TCEANC2: variants seen among roughly 807,000 people sequenced by gnomAD.
TCEANC2 encodes the protein transcription elongation factor A N-terminal and central domain-containing protein 2.
TCEANC2 carries 20 observed loss-of-function variants against 22.8 expected under a neutral mutation model. That is an observed-to-expected ratio of 0.88 (90% CI 0.62 to 1.28). The LOEUF is 1.28. Ranked by LOEUF, TCEANC2 falls within the 50% of genes most tolerant of loss-of-function variation. The pLI is 0.00. For missense variants in TCEANC2, 251 were observed against 249.7 expected (o/e 1.01, Z -0.03); for synonymous variants, 84 against 95.5 (o/e 0.88, Z 0.70).
intron 2 of TCEANC2, among the ~76,000 whole-genome samples, chr1:54,062,719 A>G (rs1415142498): frequency 3.3e-5 from 5 of 152,248 alleles, no homozygotes; most frequent in Non-Finnish European, 5.9e-5. Context: ...AGAGAGTCTT[A>G]AAAAATGAAT....
intron 2 of TCEANC2, among the ~76,000 whole-genome samples, chr1:54,068,136 G>C (rs1202787112): frequency 1.3e-5 from 2 of 152,166 alleles, no homozygotes; most frequent in African/African-American, 4.8e-5. Context: ...GTTTCTTCTA[G>C]GAAGGGAAAG....
At chr1:54,083,539 G>GCTA (rs1658284617) in intron 3 of TCEANC2, among the ~76,000 whole-genome samples, 2 of 152,170 alleles carry the variant, frequency 1.3e-5, no homozygotes, top group Non-Finnish European at 2.9e-5. Flanking sequence ...AAGGACTGCT[G>GCTA]GATTCGACCA....
intron 3 of TCEANC2, among the ~76,000 whole-genome samples, chr1:54,078,450 T>G (rs1658183500): frequency 6.6e-6 from 1 of 152,180 alleles, no homozygotes; most frequent in Non-Finnish European, 1.5e-5. Context: ...CCCTTTATTT[T>G]ATTGGACTGT....
chr1:54,066,122 T>C (rs1458274556), intron 2 of TCEANC2, among the ~76,000 whole-genome samples: 1 of 151,466 alleles, frequency 6.6e-6, no homozygotes, highest in Non-Finnish European at 1.5e-5. Flanking sequence ...CGTGGTGGCA[T>C]GCGCCTGTAC....
intron 3 of TCEANC2, among the ~76,000 whole-genome samples, chr1:54,075,303 C>G (rs766333486): frequency 6.6e-6 from 1 of 152,046 alleles, no homozygotes; most frequent in East Asian, 1.9e-4. Flanking sequence ...ACAGGGGAGA[C>G]GGTGAATACT....
chr1:54,084,770 TA>T (rs59615261), intron 3 of TCEANC2, among the ~76,000 whole-genome samples: 165 of 144,062 alleles, frequency 1.1e-3, no homozygotes, highest in Non-Finnish European at 1.2e-3. Flanking sequence ...AAACTCCGTC[TA>T]AAAAAAAAAA....
In TCEANC2 at chr1:54,104,483, G is replaced by T; in HGVS notation, c.*8010G>T. On this transcript the variant is annotated 3_prime_UTR_variant, in exon 5 of 5. Transcript: ENST00000234827. Reference sequence around the variant, plus strand: ...CTGTTAAGCAATGGAGGGAAGGGAGGTATATCTTTGGTACTCAGTTGATTC... The same window carrying T: ...CTGTTAAGCAATGGAGGGAAGGGAGTTATATCTTTGGTACTCAGTTGATTC... 2.5e-6 allele frequency: 1 copy of T among 396,360 alleles called. No homozygotes were observed. The highest frequency in any genetic ancestry group is 5.1e-6 in the Non-Finnish European group (1 of 195,252). 24.6% of individuals were successfully genotyped at this position (396,360 alleles called of 1,614,324 possible).
chr1:54,058,465 G>C (rs1030452525), intron 2 of TCEANC2, among the ~76,000 whole-genome samples: 2 of 152,128 alleles, frequency 1.3e-5, no homozygotes, highest in African/African-American at 4.8e-5. Flanking sequence ...TTGTGTCACT[G>C]GTTCCTGGCA....
intron 2 of TCEANC2, among the ~76,000 whole-genome samples, chr1:54,055,576 T>C (rs1657737945): frequency 1.3e-5 from 2 of 152,240 alleles, no homozygotes; most frequent in Admixed American, 1.3e-4. Context: ...TTATCCATTC[T>C]TTAGGCTTTC....
intron 3 of TCEANC2, among the ~76,000 whole-genome samples, chr1:54,072,756 A>G (rs1026566115): frequency 6.6e-6 from 1 of 151,844 alleles, no homozygotes; most frequent in Non-Finnish European, 1.5e-5. Flanking sequence ...GTTTTTTATA[A>G]ATTTTTTTTT....
intron 3 of TCEANC2, among the ~76,000 whole-genome samples, chr1:54,069,572 C>T (rs945649741): frequency 6.7e-6 from 1 of 149,112 alleles, no homozygotes; most frequent in Non-Finnish European, 1.5e-5. Flanking sequence ...CGTGCCACTG[C>T]ACTCCAGCCT....
chr1:54,080,441 T>C (rs930646714), intron 3 of TCEANC2, among the ~76,000 whole-genome samples: 1 of 152,184 alleles, frequency 6.6e-6, no homozygotes, highest in African/African-American at 2.4e-5. Context: ...CCACTGCGCC[T>C]GGCTGAGTTA....
At chr1:54,079,637 G>C (rs1458228697) in intron 3 of TCEANC2, among the ~76,000 whole-genome samples, 1 of 152,092 alleles carries the variant, frequency 6.6e-6, no homozygotes, top group Non-Finnish European at 1.5e-5. Flanking sequence ...CCATCTTTCT[G>C]CCTCTTCTTC....
chr1:54,073,704 TC>T (rs1278165802), intron 3 of TCEANC2, among the ~76,000 whole-genome samples: 1 of 152,182 alleles, frequency 6.6e-6, no homozygotes, highest in Admixed American at 6.5e-5. Context: ...TTTAGAAAAA[TC>T]TGTCTGGTTG....
chr1:54,057,228 G>GTTTT (rs779950368), intron 2 of TCEANC2, among the ~76,000 whole-genome samples: 22 of 99,964 alleles, frequency 2.2e-4, no homozygotes, highest in African/African-American at 7.6e-4. Flanking sequence ...TTTTTTCTTT[G>GTTTT]TTTTTTTTTT....
chr1:54,082,870 A>G (rs1459447093), intron 3 of TCEANC2, among the ~76,000 whole-genome samples: 1 of 152,200 alleles, frequency 6.6e-6, no homozygotes, highest in East Asian at 1.9e-4. Context: ...TTGTGTTTGA[A>G]AAAGGTCATT....
intron 2 of TCEANC2, among the ~76,000 whole-genome samples, chr1:54,062,930 T>C (rs949695138): frequency 1.3e-5 from 2 of 152,224 alleles, no homozygotes; most frequent in Non-Finnish European, 1.5e-5. Context: ...TATTATCTGA[T>C]GTGGAACTCT....
chr1:54,069,016 G>C, intron 3 of TCEANC2, 119 bp downstream of exon 3: 1 of 1,114,398 alleles, frequency 9.0e-7, no homozygotes, highest in Non-Finnish European at 1.2e-6. Flanking sequence ...CAACTCTCTG[G>C]TAAAGGACTG....
At chr1:54,067,460 AG>A (rs1657979592) in intron 2 of TCEANC2, among the ~76,000 whole-genome samples, 1 of 152,238 alleles carries the variant, frequency 6.6e-6, no homozygotes, top group African/African-American at 2.4e-5. Context: ...TACGAGAAAA[AG>A]AAAGTCAGCT....
Sources: allele counts gnomAD v4.1 joint callset (sites outside exome capture counted in the v4.1 genomes callset), GRCh38; gene constraint gnomAD v4.1.1; transcripts MANE v1.5; gene names NCBI Gene and HGNC (gene_info 2026-07-23, HGNC 2026-07-21).